The following SLC10A1 variants were observed in gnomAD, a reference collection of about 807,000 sequenced individuals.
The protein encoded by SLC10A1 is hepatic sodium/bile acid cotransporter.
SLC10A1 carries 36 observed loss-of-function variants against 20.5 expected under a neutral mutation model. The observed-to-expected ratio is 1.75, with a 90% CI of 1.34 to 2.32. The LOEUF is 2.32. Among genes scored for constraint, SLC10A1 ranks in the 30% most tolerant of loss-of-function variants. The pLI, the probability that SLC10A1 is intolerant of heterozygous loss-of-function variation, is 0.00. For synonymous variants in SLC10A1, 188 were observed against 163.6 expected (o/e 1.15, Z -1.14); for missense variants, 545 against 439.1 (o/e 1.24, Z -2.16).
intron 4 of SLC10A1, among the ~76,000 whole-genome samples, chr14:69,777,376 A>C (rs1883469247): frequency 6.6e-6 from 1 of 152,170 alleles, no homozygotes; most frequent in Non-Finnish European, 1.5e-5. Flanking sequence ...TTGCTAGTAT[A>C]ATGTAACAAA....
chr14:69,787,857 C>T (rs1594763465), intron 1 of SLC10A1, among the ~76,000 whole-genome samples: 2 of 152,020 alleles, frequency 1.3e-5, no homozygotes, highest in African/African-American at 2.4e-5. Flanking sequence ...AAGTAAGACC[C>T]CTGTCTCTAC....
intron 2 of SLC10A1, among the ~76,000 whole-genome samples, chr14:69,783,873 A>G (rs759628637): frequency 6.6e-6 from 1 of 152,216 alleles, no homozygotes; most frequent in South Asian, 2.1e-4. Flanking sequence ...GGGAACATTG[A>G]GAATGACTTC....
rs1261121948 is a variant in SLC10A1 at position 69,776,329 on chromosome 14, C to T, written c.1003G>A (p.Gly335Arg). 6.2e-7 allele frequency: 1 copy of T among 1,613,690 alleles called. No individual in the cohort carries two copies. Among genetic ancestry groups the T allele is most frequent in the Admixed American group, 1.7e-5 (1 of 60,008 alleles). ...TTEETIPGAL[G>R]NGTYKGEDCS... ...TCCTCCCCTTTGTAGGTGCCATTTC[C>T]CAGAGCTCCTGGAATTGTTTCTTCA... Residue 335 changes from glycine to arginine, a missense_variant, in exon 5 of 5, where the codon GGA becomes AGA. Coordinates refer to ENST00000216540, the MANE Select transcript of SLC10A1 (RefSeq NM_003049.4).
Position 69,778,521 on chromosome 14 carries a change from C to T in SLC10A1, c.755G>A (p.Arg252His), listed in dbSNP as rs147226818. 360 of 1,600,916 alleles carry T rather than the reference C, an allele frequency of 2.2e-4. No individual in the cohort carries two copies. The highest frequency in any genetic ancestry group is 8.1e-4 in the Middle Eastern group (4 of 4,912). ...ALFCLNGRCR[R>H]TVSMETGCQN... ...GCATCCAGTCTCCATGCTGACAGTG[C>T]GTCTGCACCTGTGCCGGTGAAGAAA... The change falls in exon 4 of 5, where the codon CGC (arginine) becomes CAC (histidine). Residue 252 changes from arginine (R) to histidine (H), a missense_variant. Physicochemically the swap from Arg to His is conservative, Grantham distance 29. Transcript: ENST00000216540.
intron 1 of SLC10A1, among the ~76,000 whole-genome samples, chr14:69,792,573 G>C (rs535138588): frequency 4.6e-5 from 7 of 152,294 alleles, no homozygotes; most frequent in African/African-American, 1.7e-4. Flanking sequence ...GAGAAACAGG[G>C]ATCTTCAGAC....
At position 69,776,340 on chromosome 14, in the gene SLC10A1, G is replaced by T; in HGVS notation, c.992C>A (p.Pro331Gln). The change falls in exon 5 of 5, where the codon CCA (proline) becomes CAA (glutamine). Residue 331 changes from proline (P) to glutamine (Q), a missense_variant. Coordinates refer to ENST00000216540, the MANE Select transcript of SLC10A1 (RefSeq NM_003049.4). ...GTAGGTGCCATTTCCCAGAGCTCCT[G>T]GAATTGTTTCTTCAGTTGTGGCAGC... ...YTAATTEETI[P>Q]GALGNGTYKG... 1 of 1,613,854 alleles carries T rather than the reference G, an allele frequency of 6.2e-7. No individual in the cohort carries two copies. Among genetic ancestry groups the T allele is most frequent in the Non-Finnish European group, 8.5e-7 (1 of 1,179,990 alleles).
In SLC10A1 at chr14:69,779,259, A is replaced by T. The variant is rs1477903250; in HGVS notation, c.669T>A (p.Ile223=). 2.5e-6 allele frequency: 4 copies of T among 1,613,920 alleles called. No individual in the cohort carries two copies. The highest frequency in any genetic ancestry group is 3.4e-6 in the Non-Finnish European group (4 of 1,180,004). The change falls in exon 3 of 5, where the codon ATT becomes ATA. Residue 223 remains isoleucine, a synonymous_variant. Coordinates refer to ENST00000216540, the MANE Select transcript of SLC10A1 (RefSeq NM_003049.4). The stretch of plus-strand genomic sequence containing the variant: ...TAAAAGGCATCAGGGAGGAGGTGGC[A>T]ATCAAGAGTGGTGTCATGGCAAACA... ...SIMFAMTPLL[I]ATSSLMPFIG...
intron 4 of SLC10A1, among the ~76,000 whole-genome samples, chr14:69,777,847 TTTC>T (rs1171634436): frequency 6.6e-6 from 1 of 151,960 alleles, no homozygotes; most frequent in Non-Finnish European, 1.5e-5. Flanking sequence ...CTTTTTTTTT[TTTC>T]TTTATTCTGG....
chr14:69,779,794 G>C (rs1883547879), intron 2 of SLC10A1, among the ~76,000 whole-genome samples: 1 of 152,126 alleles, frequency 6.6e-6, no homozygotes, highest in African/African-American at 2.4e-5. Flanking sequence ...TTTCAGTGAA[G>C]TGTTACGTGA....
chr14:69,786,235 C>G lies in SLC10A1; in HGVS notation c.429G>C (p.Arg143Ser), dbSNP rs778240572. The G allele has an allele frequency of 1.2e-6, 2 of 1,613,992 alleles. No homozygotes were observed. The highest frequency in any genetic ancestry group is 1.7e-5 in the Admixed American group (1 of 59,994). Residue 143 changes from arginine to serine, a missense_variant, in exon 2 of 5, where the codon AGG (arginine) becomes AGC (serine). Transcript: ENST00000216540. ...CCTTCAGGTCCCCATCATAGATCCC[C>G]CTGGAGTAGATGTACAGGAGGAGAG... The part of the protein sequence containing the change: ...MMPLLLYIYS[R>S]GIYDGDLKDK...
In SLC10A1 at chr14:69,790,055, A is replaced by C. The variant is rs143943356; in HGVS notation, c.357-3748T>G. On this transcript the variant is annotated intron_variant, in intron 1 of 4. Coordinates refer to ENST00000216540, the MANE Select transcript of SLC10A1 (RefSeq NM_003049.4). ...AACTACAGAGAAAATGAAGATTTTA[A>C]AAAGTCATTAAGGACATTTTCATAC... 2.3e-3 allele frequency among the ~76,000 whole-genome samples: 346 copies of C among 152,284 alleles called. 3 individuals carry two copies. Among genetic ancestry groups the C allele is most frequent in the African/African-American group, 8.3e-3 (344 of 41,578 alleles).
At chr14:69,783,976 T>C (rs531095699) in intron 2 of SLC10A1, among the ~76,000 whole-genome samples, 30 of 152,302 alleles carry the variant, frequency 2.0e-4, no homozygotes, top group African/African-American at 7.0e-4. Context: ...TATTGAGTTT[T>C]AAATGTCTGA....
In SLC10A1 at chr14:69,776,343, A is replaced by T; in HGVS notation, c.989T>A (p.Ile330Asn). The change falls in exon 5 of 5, where the codon ATT becomes AAT. Residue 330 changes from isoleucine (I) to asparagine (N), a missense_variant. Coordinates refer to ENST00000216540, the MANE Select transcript of SLC10A1 (RefSeq NM_003049.4). The stretch of plus-strand genomic sequence containing the variant: ...GGTGCCATTTCCCAGAGCTCCTGGA[A>T]TTGTTTCTTCAGTTGTGGCAGCTGT... ...IYTAATTEET[I>N]PGALGNGTYK... 1 of 1,613,948 alleles carries T rather than the reference A, an allele frequency of 6.2e-7. No individual in the cohort carries two copies. Among genetic ancestry groups the T allele is most frequent in the Non-Finnish European group, 8.5e-7 (1 of 1,180,000 alleles).
At chr14:69,789,210 T>A (rs985192373) in intron 1 of SLC10A1, among the ~76,000 whole-genome samples, 9 of 152,306 alleles carry the variant, frequency 5.9e-5, no homozygotes, top group Admixed American at 2.6e-4. Context: ...CTCTTAGGTA[T>A]ATATCCCAAG....
rs1407189234 is a variant in SLC10A1 at position 69,796,747 on chromosome 14, A to G, written c.356+53T>C. On this transcript the variant is annotated intron_variant, in intron 1 of 4. Coordinates refer to ENST00000216540, the MANE Select transcript of SLC10A1 (RefSeq NM_003049.4). ...CCCAGCTCTTCCCCTCAATTGTGAC[A>G]TATCTAATGTAGCTCCTGTCCCAGG... 5 of 1,411,748 alleles carry G rather than the reference A, an allele frequency of 3.5e-6. No homozygotes were observed. In the East Asian group the frequency reaches 1.2e-4, roughly 33 times the overall value. The allele number at this position is 1,411,748 out of a possible 1,614,324, so 87.5% of individuals were successfully genotyped here. A position where few individuals can be genotyped will look rare whatever the true frequency, so the allele number is the denominator to read the frequency against.
intron 4 of SLC10A1, among the ~76,000 whole-genome samples, chr14:69,776,676 T>A (rs1446020583): frequency 6.6e-6 from 1 of 152,208 alleles, no homozygotes; most frequent in Non-Finnish European, 1.5e-5. Flanking sequence ...GAGATGAGTT[T>A]ATGTATGCAA....
At chr14:69,780,205 CTGAA>C (rs1370229902) in intron 2 of SLC10A1, among the ~76,000 whole-genome samples, 1 of 152,196 alleles carries the variant, frequency 6.6e-6, no homozygotes. Context: ...CAGGTCTACT[CTGAA>C]TGAAATTATA....
rs559758397 is a variant in SLC10A1 at position 69,791,768 on chromosome 14, T to C, written c.356+5032A>G. On this transcript the variant is annotated intron_variant, in intron 1 of 4. Transcript: ENST00000216540. ...TTTATGAGAGAGATGTCATTACAAATACCTGGAGAAAAATTCACTCAACGT... is the reference window on the plus strand; with the variant it reads ...TTTATGAGAGAGATGTCATTACAAACACCTGGAGAAAAATTCACTCAACGT... 6.2e-4 allele frequency among the ~76,000 whole-genome samples: 94 copies of C among 152,324 alleles called. 1 individual carries two copies. Among genetic ancestry groups the C allele is most frequent in the African/African-American group, 2.2e-3 (90 of 41,572 alleles).
At chr14:69,789,936 T>G (rs1301945898) in intron 1 of SLC10A1, among the ~76,000 whole-genome samples, 4 of 151,618 alleles carry the variant, frequency 2.6e-5, no homozygotes, top group African/African-American at 9.7e-5. Context: ...TCTTTTTTTT[T>G]TTAAAGGCCA....
Sources: gnomAD v4.1 joint callset for allele counts (sites outside exome capture counted in the v4.1 genomes callset) on GRCh38, gnomAD v4.1.1 for gene constraint, MANE v1.5 for transcripts, NCBI Gene and HGNC (gene_info 2026-07-23, HGNC 2026-07-21) for gene names.